PDE4D: variants seen among roughly 807,000 people sequenced by gnomAD.
PDE4D encodes the protein 3',5'-cyclic-AMP phosphodiesterase 4D.
A neutral mutation model predicts 87.4 loss-of-function variants in PDE4D; 24 were observed. The ratio of observed to expected loss-of-function variants is 0.27; its 90% confidence interval spans 0.20 to 0.39. PDE4D has a LOEUF of 0.39. Ranked by LOEUF, PDE4D falls within the 10% of genes least tolerant of loss-of-function variation. The pLI is 1.00. For missense variants in PDE4D, 714 were observed against 1,041.0 expected (o/e 0.69, Z 4.32); for synonymous variants, 384 against 383.2 (o/e 1.00, Z -0.02).
intron 2 of PDE4D, among the ~76,000 whole-genome samples, chr5:60,104,583 C>T (rs1776648516): frequency 6.6e-6 from 1 of 152,176 alleles, no homozygotes; most frequent in South Asian, 2.1e-4. Flanking sequence ...GACCCCTGAC[C>T]CCCGAGCAGC....
intron 1 of PDE4D, among the ~76,000 whole-genome samples, chr5:60,452,719 C>T (rs926140099): frequency 6.6e-6 from 1 of 152,000 alleles, no homozygotes; most frequent in Non-Finnish European, 1.5e-5. Context: ...ACATTTCTTG[C>T]CATTTTAAAA....
chr5:60,217,213 T>C (rs749777401), intron 1 of PDE4D, among the ~76,000 whole-genome samples: 1 of 151,862 alleles, frequency 6.6e-6, no homozygotes, highest in Admixed American at 6.6e-5. Context: ...GTCAAAATCA[T>C]AGGGACAGAA....
At chr5:60,286,893 T>G (rs1029538754) in intron 1 of PDE4D, among the ~76,000 whole-genome samples, 1 of 152,114 alleles carries the variant, frequency 6.6e-6, no homozygotes, top group African/African-American at 2.4e-5. Context: ...GAAAATATCT[T>G]AGCCACAAAG....
intron 2 of PDE4D, among the ~76,000 whole-genome samples, chr5:60,121,695 G>A (rs1459768675): frequency 1.3e-5 from 2 of 152,066 alleles, no homozygotes; most frequent in Admixed American, 1.3e-4. Flanking sequence ...AGATTTGGGT[G>A]GGGACACGGA....
At chr5:59,031,364 T>TAC (rs1554051212) in intron 6 of PDE4D, among the ~76,000 whole-genome samples, 1 of 32,322 alleles carries the variant, frequency 3.1e-5, no homozygotes, top group East Asian at 1.7e-3. Flanking sequence ...GAAAATGTGA[T>TAC]ATATATATAT....
At chr5:60,079,374 G>T (rs1308661982) in intron 2 of PDE4D, among the ~76,000 whole-genome samples, 1 of 152,136 alleles carries the variant, frequency 6.6e-6, no homozygotes, top group African/African-American at 2.4e-5. Flanking sequence ...AAGCTCTTTA[G>T]TTTAATTAGA....
At chr5:59,316,101 A>T (rs1773663735) in intron 1 of PDE4D, among the ~76,000 whole-genome samples, 1 of 152,118 alleles carries the variant, frequency 6.6e-6, no homozygotes, top group Non-Finnish European at 1.5e-5. Context: ...TGAGGGCCGT[A>T]GACCCTGCCT....
At chr5:60,074,494 G>A (rs1222868119) in intron 2 of PDE4D, among the ~76,000 whole-genome samples, 1 of 152,128 alleles carries the variant, frequency 6.6e-6, no homozygotes, top group Non-Finnish European at 1.5e-5. Flanking sequence ...TTGTTTTTGG[G>A]TGGAGAGATA....
At chr5:59,261,300 G>A (rs979036315) in intron 1 of PDE4D, among the ~76,000 whole-genome samples, 2 of 151,782 alleles carry the variant, frequency 1.3e-5, no homozygotes, top group African/African-American at 4.8e-5. Flanking sequence ...CCTATTTGAT[G>A]TAATGGCCTT....
chr5:59,412,566 T>C (rs1235398585), intron 1 of PDE4D, among the ~76,000 whole-genome samples: 1 of 149,528 alleles, frequency 6.7e-6, no homozygotes, highest in East Asian at 1.9e-4. Flanking sequence ...GCACATGAAA[T>C]TGAAGATCAC....
chr5:60,240,026 T>C (rs1349727783), intron 1 of PDE4D, among the ~76,000 whole-genome samples: 2 of 152,124 alleles, frequency 1.3e-5, no homozygotes, highest in Non-Finnish European at 2.9e-5. Flanking sequence ...AATATACTAG[T>C]AGCTGTAATG....
At chr5:60,265,667 G>C (rs558196697) in intron 1 of PDE4D, among the ~76,000 whole-genome samples, 2 of 152,118 alleles carry the variant, frequency 1.3e-5, no homozygotes, top group South Asian at 4.2e-4. Flanking sequence ...CCCTAGACTA[G>C]AAAAAACCCT....
chr5:59,773,832 C>G (rs996324106), intron 1 of PDE4D, among the ~76,000 whole-genome samples: 2 of 151,988 alleles, frequency 1.3e-5, no homozygotes, highest in East Asian at 1.9e-4. Flanking sequence ...TTATTAGGTA[C>G]TGGGCTAGTA....
At chr5:59,844,120 A>G (rs1178229069) in intron 1 of PDE4D, among the ~76,000 whole-genome samples, 2 of 152,092 alleles carry the variant, frequency 1.3e-5, no homozygotes, top group Non-Finnish European at 2.9e-5. Context: ...CCTCTCAAAC[A>G]CCTGGAGTAC....
chr5:59,223,019 G>A (rs1752895645), intron 1 of PDE4D, among the ~76,000 whole-genome samples: 1 of 152,134 alleles, frequency 6.6e-6, no homozygotes, highest in Non-Finnish European at 1.5e-5. Flanking sequence ...ATGGCTTTGG[G>A]AAGAACCTAA....
intron 1 of PDE4D, among the ~76,000 whole-genome samples, chr5:60,305,462 C>T (rs780169117): frequency 6.6e-6 from 1 of 151,912 alleles, no homozygotes; most frequent in Admixed American, 6.6e-5. Flanking sequence ...AAAACAGAGA[C>T]TAGGGAGCTA....
intron 2 of PDE4D, among the ~76,000 whole-genome samples, chr5:59,997,482 A>G (rs1763621064): frequency 6.6e-6 from 1 of 152,162 alleles, no homozygotes; most frequent in African/African-American, 2.4e-5. Context: ...ATGAAAGAAA[A>G]ACCTAAAACC....
intron 2 of PDE4D, among the ~76,000 whole-genome samples, chr5:60,169,256 A>G (rs1250232466): frequency 6.6e-6 from 1 of 152,174 alleles, no homozygotes; most frequent in African/African-American, 2.4e-5. Context: ...ATAATCTTGC[A>G]GTAGAAAAGC....
intron 2 of PDE4D, among the ~76,000 whole-genome samples, chr5:59,210,571 G>A (rs1430458501): frequency 6.6e-6 from 1 of 152,218 alleles, no homozygotes; most frequent in South Asian, 2.1e-4. Flanking sequence ...TGAGGTCTGA[G>A]ATATCTGTAT....
Sources: allele counts gnomAD v4.1 joint callset (sites outside exome capture counted in the v4.1 genomes callset), GRCh38; gene constraint gnomAD v4.1.1; transcripts MANE v1.5; gene names NCBI Gene and HGNC (gene_info 2026-07-23, HGNC 2026-07-21).